The following EPHB2 variants were observed in gnomAD, a reference collection of about 807,000 sequenced individuals.
The protein encoded by EPHB2 is ephrin type-B receptor 2.
A neutral mutation model predicts 96.4 loss-of-function variants in EPHB2; 18 were observed. The observed-to-expected ratio is 0.19, with a 90% CI of 0.13 to 0.28. The LOEUF is 0.28. EPHB2 is among the 10% of genes least tolerant of loss of function. EPHB2 has a pLI of 1.00. For synonymous variants in EPHB2, 506 were observed against 534.1 expected, an observed-to-expected ratio of 0.95 and a Z score of 0.72; for missense variants, 989 against 1,355.4, an observed-to-expected ratio of 0.73 and a Z score of 4.25.
At chr1:22,852,117 A>T (rs1287817822) in intron 3 of EPHB2, among the ~76,000 whole-genome samples, 1 of 152,230 alleles carries the variant, frequency 6.6e-6, no homozygotes, top group African/African-American at 2.4e-5. Context: ...CAAGGTGAAG[A>T]TGCAGCAACA....
At chr1:22,823,335 A>G (rs1277799834) in intron 3 of EPHB2, among the ~76,000 whole-genome samples, 1 of 152,210 alleles carries the variant, frequency 6.6e-6, no homozygotes, top group Non-Finnish European at 1.5e-5. Flanking sequence ...TCAAGTCTGT[A>G]TTATAATGTA....
chr1:22,788,706 A>G (rs1199028616), intron 3 of EPHB2, among the ~76,000 whole-genome samples: 1 of 151,908 alleles, frequency 6.6e-6, no homozygotes, highest in Non-Finnish European at 1.5e-5. Flanking sequence ...GATGGGGCCA[A>G]GAATCAGCAG....
chr1:22,862,975 G>T, intron 3 of EPHB2, 62 bp from the exon 4 acceptor site: 2 of 1,610,494 alleles, frequency 1.2e-6, no homozygotes, highest in Non-Finnish European at 1.7e-6. Flanking sequence ...AGGCTGCGTG[G>T]CTCGTGACCT....
At position 22,913,380 on chromosome 1, in the gene EPHB2, G is replaced by GA; in HGVS notation, c.2853-82_2853-81insA. ...CTCCTTGCTTTGCCATCTTCCTCCC[G>GA]GGGAAGCCCAGGCAGCTCTCTACCA... On this transcript the variant is annotated intron_variant, in intron 15 of 15. Coordinates refer to ENST00000374630, the MANE Select transcript of EPHB2 (RefSeq NM_017449.5). This position sits in a 1 kb window ranked among gnomAD's most constrained non-coding sequence, Gnocchi z 4.1. 1 of 1,555,886 alleles carries GA rather than the reference G, an allele frequency of 6.4e-7. No homozygotes were observed. Among genetic ancestry groups the GA allele is most frequent in the Non-Finnish European group, 8.7e-7 (1 of 1,144,386 alleles).
chr1:22,864,989 C>A lies in EPHB2; in HGVS notation c.1080C>A (p.Ile360=), dbSNP rs1207856370. The A allele has an allele frequency of 6.2e-7, 1 of 1,609,632 alleles. No individual in the cohort carries two copies. Among genetic ancestry groups the A allele is most frequent in the Non-Finnish European group, 8.5e-7 (1 of 1,176,778 alleles). The change falls in exon 5 of 16, where the codon ATC becomes ATA. Residue 360 remains isoleucine, a synonymous_variant. Coordinates refer to ENST00000374630, the MANE Select transcript of EPHB2 (RefSeq NM_017449.5). ...GCCGAGAGGACCTCGTCTACAACAT[C>A]ATCTGCAAGAGCTGTGGCTCGGGCC... The part of the protein sequence containing the change: ...SGGREDLVYN[I]ICKSCGSGRG...
At chr1:22,742,986 G>A (rs1420909225) in intron 1 of EPHB2, among the ~76,000 whole-genome samples, 1 of 150,000 alleles carries the variant, frequency 6.7e-6, no homozygotes, top group Non-Finnish European at 1.5e-5. Flanking sequence ...CAACTTCCTT[G>A]GCTCAAGCGA....
chr1:22,731,195 A>G (rs1175642832), intron 1 of EPHB2, among the ~76,000 whole-genome samples: 2 of 152,144 alleles, frequency 1.3e-5, no homozygotes, highest in Non-Finnish European at 2.9e-5. Flanking sequence ...CCTGGCAGCC[A>G]GGTTGGTGAC....
intron 3 of EPHB2, among the ~76,000 whole-genome samples, chr1:22,813,584 C>T (rs1159613280): frequency 6.6e-6 from 1 of 152,214 alleles, no homozygotes; most frequent in Non-Finnish European, 1.5e-5. Context: ...GTAGGGTCAG[C>T]AGTAGGCACC....
intron 1 of EPHB2, among the ~76,000 whole-genome samples, chr1:22,713,006 GCAGAGGCTGGTTGGAAT>G (rs2148328154): frequency 6.6e-6 from 1 of 152,284 alleles, no homozygotes; most frequent in Admixed American, 6.5e-5. Context: ...CATCGCCCTG[GCAGAGGCTGGTTGGAAT>G]CTGGTGGGCT....
chr1:22,764,974 C>T (rs1379768447), intron 1 of EPHB2, among the ~76,000 whole-genome samples: 2 of 152,084 alleles, frequency 1.3e-5, no homozygotes, highest in East Asian at 1.9e-4. Flanking sequence ...GCACGGGAGG[C>T]GCTCAGAGAG....
chr1:22,827,920 G>A (rs1452208588), intron 3 of EPHB2, among the ~76,000 whole-genome samples: 2 of 152,210 alleles, frequency 1.3e-5, no homozygotes, highest in Non-Finnish European at 2.9e-5. Flanking sequence ...AGACCTGCAC[G>A]TGAGGGACAT....
chr1:22,882,397 A>T lies in EPHB2; in HGVS notation c.1342A>T (p.Thr448Ser), dbSNP rs1189086300. The stretch of plus-strand genomic sequence containing the variant: ...GTCCATCATGCATCAGGTGAGCCGC[A>T]CCGTGGACAGCATTACCCTGTCGTG... ...AVSIMHQVSRTVDSITLSWSQ... is the reference protein window; with the variant it reads ...AVSIMHQVSRSVDSITLSWSQ... Residue 448 changes from threonine (T) to serine (S), a missense_variant, in exon 6 of 16, where the codon ACC becomes TCC. Coordinates refer to ENST00000374630, the MANE Select transcript of EPHB2 (RefSeq NM_017449.5). The T allele has an allele frequency of 6.2e-7, 1 of 1,613,980 alleles. No individual in the cohort carries two copies. The highest frequency in any genetic ancestry group is 1.3e-5 in the African/African-American group (1 of 74,912).
chr1:22,761,366 T>C (rs1644233640), intron 1 of EPHB2, among the ~76,000 whole-genome samples: 1 of 152,204 alleles, frequency 6.6e-6, no homozygotes, highest in Non-Finnish European at 1.5e-5. Context: ...TTTTGTACTT[T>C]ATACTTCCAT....
At chr1:22,761,053 T>C (rs1341080406) in intron 1 of EPHB2, among the ~76,000 whole-genome samples, 1 of 152,160 alleles carries the variant, frequency 6.6e-6, no homozygotes, top group Non-Finnish European at 1.5e-5. Flanking sequence ...CTTCCTAGGC[T>C]GGCAGCATCA....
intron 3 of EPHB2, among the ~76,000 whole-genome samples, chr1:22,844,547 T>C (rs912461666): frequency 6.6e-6 from 1 of 152,234 alleles, no homozygotes; most frequent in Non-Finnish European, 1.5e-5. Flanking sequence ...GTATTAGCTG[T>C]CTTCTCAACA....
Position 22,784,236 on chromosome 1 carries a change from A to T in EPHB2, c.127-156A>T, listed in dbSNP as rs887801402. 6.6e-6 allele frequency among the ~76,000 whole-genome samples: 1 copy of T among 152,006 alleles called. No homozygotes were observed. The highest frequency in any genetic ancestry group is 1.5e-5 in the Non-Finnish European group (1 of 67,994). On this transcript the variant is annotated intron_variant, in intron 2 of 15. Transcript: ENST00000374630. This position sits in a 1 kb window ranked among gnomAD's most constrained non-coding sequence, Gnocchi z 5.1. ...GCAGGATGTGTGCCTTTCCCACCTG[A>T]TTGGCATGTCTCCCCCATCAGATTG...
intron 3 of EPHB2, among the ~76,000 whole-genome samples, chr1:22,862,170 T>G (rs1435314014): frequency 1.3e-5 from 2 of 152,216 alleles, no homozygotes; most frequent in Non-Finnish European, 2.9e-5. Flanking sequence ...AGTTGCCTCT[T>G]ATAGGCCCTA....
chr1:22,870,816 C>T (rs189804408), intron 5 of EPHB2, among the ~76,000 whole-genome samples: 66 of 152,322 alleles, frequency 4.3e-4, no homozygotes, highest in African/African-American at 1.5e-3. Context: ...GGCTTTGAGT[C>T]AAGCCTGGCC....
At chr1:22,718,664 A>G (rs1292722765) in intron 1 of EPHB2, among the ~76,000 whole-genome samples, 1 of 152,152 alleles carries the variant, frequency 6.6e-6, no homozygotes, top group Non-Finnish European at 1.5e-5. Context: ...CTGGGATTAC[A>G]GGTGTGAGCC....
Sources: gnomAD v4.1 joint callset for allele counts (sites outside exome capture counted in the v4.1 genomes callset) on GRCh38, gnomAD v4.1.1 for gene constraint, Gnocchi (gnomAD v3.1) non-coding constraint, MANE v1.5 for transcripts, NCBI Gene and HGNC (gene_info 2026-07-23, HGNC 2026-07-21) for gene names.